The following PATJ variants were observed in gnomAD, a reference collection of about 807,000 sequenced individuals.
The protein encoded by PATJ is inaD-like protein.
A neutral mutation model predicts 224.9 loss-of-function variants in PATJ; 190 were observed. The ratio of observed to expected loss-of-function variants is 0.84; its 90% CI spans 0.75 to 0.95. The LOEUF (loss-of-function observed/expected upper bound fraction) is 0.95, where lower values mean the gene tolerates loss of function less well. PATJ is among the 40% of genes least tolerant of loss of function. The pLI is 0.00. For missense variants in PATJ, 2,121 were observed against 2,270.3 expected (o/e 0.93, Z 1.34); for synonymous variants, 769 against 820.3 (o/e 0.94, Z 1.07).
chr1:61,801,560 C>A, intron 11 of PATJ, 63 bp from the exon 12 acceptor site: 1 of 1,033,858 alleles, frequency 9.7e-7, no homozygotes, highest in Non-Finnish European at 1.3e-6. Context: ...ATATAGTCCT[C>A]AACAACTAAT....
intron 30 of PATJ, among the ~76,000 whole-genome samples, chr1:62,046,790 G>A (rs566147404): frequency 4.0e-4 from 61 of 152,320 alleles, no homozygotes; most frequent in Non-Finnish European, 7.9e-4. Context: ...TTGAGACCTG[G>A]CTTTGAATGA....
chr1:62,017,990 C>T, intron 29 of PATJ, 43 bp downstream of exon 29: 1 of 1,039,114 alleles, frequency 9.6e-7, no homozygotes, highest in East Asian at 2.4e-5. Context: ...AAGACCTCTT[C>T]TGAAGATGTT....
chr1:62,095,144 C>T (rs528635745), intron 33 of PATJ, among the ~76,000 whole-genome samples: 35 of 152,232 alleles, frequency 2.3e-4, no homozygotes, highest in African/African-American at 7.5e-4. Context: ...AATCTTTTAT[C>T]GTGACCCATG....
intron 14 of PATJ, among the ~76,000 whole-genome samples, chr1:61,809,883 T>C (rs1443091873): frequency 8.6e-5 from 13 of 150,546 alleles, no homozygotes; most frequent in Admixed American, 4.7e-4. Flanking sequence ...TCTTGCTCTG[T>C]CGCCCAGGCT....
At chr1:61,836,746 C>T (rs1467911475) in intron 17 of PATJ, among the ~76,000 whole-genome samples, 1 of 152,120 alleles carries the variant, frequency 6.6e-6, no homozygotes, top group Non-Finnish European at 1.5e-5. Flanking sequence ...TTTTGCAAGG[C>T]CAGGCAAAGG....
chr1:62,068,322 G>C (rs753120023), intron 31 of PATJ, among the ~76,000 whole-genome samples: 2 of 152,038 alleles, frequency 1.3e-5, no homozygotes, highest in African/African-American at 2.4e-5. Flanking sequence ...TTGTTTGTTT[G>C]TTAGTTAGTT....
intron 27 of PATJ, among the ~76,000 whole-genome samples, chr1:61,930,286 C>T (rs1241979963): frequency 6.6e-6 from 1 of 152,162 alleles, no homozygotes; most frequent in Non-Finnish European, 1.5e-5. Context: ...AACCTGAAGC[C>T]TCTGGCCTTC....
intron 16 of PATJ, among the ~76,000 whole-genome samples, chr1:61,830,848 A>T (rs1172651670): frequency 1.3e-5 from 2 of 152,032 alleles, no homozygotes; most frequent in Non-Finnish European, 2.9e-5. Flanking sequence ...TTGAAACTGG[A>T]CCCCTTCCTT....
intron 31 of PATJ, among the ~76,000 whole-genome samples, chr1:62,078,072 T>C (rs558905366): frequency 6.6e-6 from 1 of 152,320 alleles, no homozygotes; most frequent in African/African-American, 2.4e-5. Context: ...TGACAGAATC[T>C]TGAGGTGTTA....
intron 29 of PATJ, among the ~76,000 whole-genome samples, chr1:62,023,968 C>T (rs967580472): frequency 1.5e-4 from 23 of 152,166 alleles, no homozygotes; most frequent in African/African-American, 5.1e-4. Flanking sequence ...ATATGATTTT[C>T]GCTTTTGATT....
At chr1:62,008,869 TAATA>T (rs1646258522) in intron 28 of PATJ, among the ~76,000 whole-genome samples, 1 of 152,152 alleles carries the variant, frequency 6.6e-6, no homozygotes, top group African/African-American at 2.4e-5. Context: ...GATTTTAAGA[TAATA>T]AATAGATATT....
intron 33 of PATJ, among the ~76,000 whole-genome samples, chr1:62,106,209 C>T (rs1663027689): frequency 2.1e-5 from 2 of 96,022 alleles, no homozygotes; most frequent in African/African-American, 7.0e-5. Flanking sequence ...GCGGCTCATA[C>T]CTGTAATTCC....
At chr1:61,952,886 G>A (rs1679924039) in intron 27 of PATJ, among the ~76,000 whole-genome samples, 1 of 152,194 alleles carries the variant, frequency 6.6e-6, no homozygotes, top group Admixed American at 6.5e-5. Context: ...TCAGCATTTT[G>A]TTATAGATGA....
chr1:61,776,447 T>C (rs1324293211), intron 7 of PATJ, among the ~76,000 whole-genome samples: 1 of 152,178 alleles, frequency 6.6e-6, no homozygotes, highest in Non-Finnish European at 1.5e-5. Flanking sequence ...TTTTCTGCCA[T>C]GTGCTTGCAA....
At chr1:62,135,472 C>T (rs1428455897) in intron 41 of PATJ, among the ~76,000 whole-genome samples, 3 of 142,204 alleles carry the variant, frequency 2.1e-5, no homozygotes, top group Non-Finnish European at 3.0e-5. Flanking sequence ...GATGAGATCG[C>T]GCCACTGCAC....
chr1:61,751,209 C>A lies in PATJ; in HGVS notation c.-36+8654C>A, dbSNP rs545166880. ...TGGAGACGGGGTTTCACAATGTTGG[C>A]CAGGCTGGTCTCAAACTCCTGGCCT... On this transcript the variant is annotated intron_variant, in intron 1 of 43. Transcript: ENST00000642238. 2.0e-5 allele frequency among the ~76,000 whole-genome samples: 3 copies of A among 151,956 alleles called. No homozygotes were observed. The East Asian group carries it at 5.9e-4, about 30-fold the overall frequency.
At chr1:61,935,001 G>A (rs967348491) in intron 27 of PATJ, among the ~76,000 whole-genome samples, 6 of 152,140 alleles carry the variant, frequency 3.9e-5, no homozygotes, top group South Asian at 4.1e-4. Context: ...AGAGAGAAGC[G>A]TCTATCCCCA....
intron 33 of PATJ, among the ~76,000 whole-genome samples, chr1:62,098,576 C>T (rs138527089): frequency 1.1e-4 from 17 of 149,106 alleles, no homozygotes; most frequent in South Asian, 2.2e-4. Flanking sequence ...GTCTGGATAA[C>T]GGAGTGAGAC....
intron 7 of PATJ, among the ~76,000 whole-genome samples, chr1:61,775,672 A>AT (rs1225248418): frequency 2.5e-4 from 38 of 152,328 alleles, no homozygotes; most frequent in African/African-American, 9.1e-4. Context: ...GATGACCTAA[A>AT]TGTTAAAATC....
Sources: gnomAD v4.1 joint callset for allele counts (sites outside exome capture counted in the v4.1 genomes callset) on GRCh38, gnomAD v4.1.1 for gene constraint, MANE v1.5 for transcripts, NCBI Gene and HGNC (gene_info 2026-07-23, HGNC 2026-07-21) for gene names.